FHIT: variants seen among roughly 807,000 people sequenced by gnomAD.
The protein encoded by FHIT is bis(5'-adenosyl)-triphosphatase.
Under a neutral mutation model 17.9 loss-of-function variants are expected in FHIT, and 19 were observed. The ratio of observed to expected loss-of-function variants is 1.06; its 90% CI spans 0.74 to 1.56. The LOEUF (loss-of-function observed/expected upper bound fraction) is 1.56. Ranked by LOEUF, FHIT falls within the 40% of genes most tolerant of loss-of-function variation. The pLI is 0.00. For missense variants in FHIT, 248 were observed against 189.2 expected, an observed-to-expected ratio of 1.31 and a Z score of -1.82; for synonymous variants, 81 against 69.7, an observed-to-expected ratio of 1.16 and a Z score of -0.81.
chr3:60,733,304 C>T (rs1481476215), intron 4 of FHIT, among the ~76,000 whole-genome samples: 7 of 152,122 alleles, frequency 4.6e-5, no homozygotes, highest in African/African-American at 1.7e-4. Context: ...AGTAAGAAAA[C>T]CTGCATTTTA....
intron 3 of FHIT, among the ~76,000 whole-genome samples, chr3:60,918,320 C>A (rs1404810711): frequency 2.6e-5 from 4 of 152,214 alleles, no homozygotes; most frequent in African/African-American, 7.2e-5. Context: ...ATCTACCTGA[C>A]TTTGGTTAAA....
At chr3:60,821,267 A>G (rs2594142) in intron 4 of FHIT, among the ~76,000 whole-genome samples, 79,345 of 151,344 alleles carry the variant, frequency 0.52, 21,607 homozygotes, top group East Asian at 0.85. Flanking sequence ...CTTTGCTGCT[A>G]TTTTTAAAAA....
chr3:60,731,551 T>C (rs1553711228), intron 4 of FHIT, among the ~76,000 whole-genome samples: 1 of 152,172 alleles, frequency 6.6e-6, no homozygotes, highest in Non-Finnish European at 1.5e-5. Flanking sequence ...GTGGCCTGCA[T>C]GCACAGTGTG....
At chr3:60,948,404 G>A (rs372546514) in intron 3 of FHIT, among the ~76,000 whole-genome samples, 36 of 152,178 alleles carry the variant, frequency 2.4e-4, no homozygotes, top group African/African-American at 8.0e-4. Flanking sequence ...GTGACCCAGG[G>A]TTGAACTAAG....
chr3:61,034,330 T>C (rs1385520780), intron 3 of FHIT, among the ~76,000 whole-genome samples: 2 of 152,016 alleles, frequency 1.3e-5, no homozygotes, highest in Non-Finnish European at 2.9e-5. Flanking sequence ...AAAGACAATC[T>C]ACAGAGTGAG....
intron 3 of FHIT, among the ~76,000 whole-genome samples, chr3:61,017,551 C>A (rs768091768): frequency 3.9e-5 from 6 of 152,184 alleles, no homozygotes; most frequent in Non-Finnish European, 7.3e-5. Flanking sequence ...ATCATTCACA[C>A]AATTTGTATT....
intron 5 of FHIT, among the ~76,000 whole-genome samples, chr3:60,223,004 A>G (rs1249876901): frequency 6.6e-6 from 1 of 152,244 alleles, no homozygotes; most frequent in Non-Finnish European, 1.5e-5. Context: ...CCTGAATTAC[A>G]TTACAATTAC....
chr3:59,874,611 G>A (rs1170483207), intron 8 of FHIT, among the ~76,000 whole-genome samples: 1 of 152,092 alleles, frequency 6.6e-6, no homozygotes, highest in Non-Finnish European at 1.5e-5. Context: ...AGGACAGTGG[G>A]CTTGGGAAAG....
At chr3:61,099,914 C>T (rs1384053224) in intron 2 of FHIT, among the ~76,000 whole-genome samples, 2 of 151,948 alleles carry the variant, frequency 1.3e-5, no homozygotes, top group African/African-American at 4.8e-5. Context: ...AACAATTCTA[C>T]AAGTATTAAA....
intron 4 of FHIT, among the ~76,000 whole-genome samples, chr3:60,538,543 C>G (rs1559523009): frequency 6.6e-6 from 1 of 152,112 alleles, no homozygotes. Flanking sequence ...TCAAACTATA[C>G]TACAAGGCTA....
At chr3:61,251,015 T>C (rs2040610618) in intron 1 of FHIT, among the ~76,000 whole-genome samples, 1 of 152,170 alleles carries the variant, frequency 6.6e-6, no homozygotes, top group Admixed American at 6.5e-5. Context: ...CCAAGAGCTG[T>C]GGCGTCCCCG....
chr3:60,615,189 A>G (rs1171190196), intron 4 of FHIT, among the ~76,000 whole-genome samples: 1 of 152,168 alleles, frequency 6.6e-6, no homozygotes, highest in African/African-American at 2.4e-5. Context: ...CCATACAGCA[A>G]TCTACTATCT....
chr3:59,783,468 A>G (rs1022194413), intron 8 of FHIT, among the ~76,000 whole-genome samples: 3 of 152,188 alleles, frequency 2.0e-5, no homozygotes, highest in African/African-American at 7.2e-5. Flanking sequence ...ACTTGATCTC[A>G]CAAAAAACAA....
At chr3:60,179,201 T>C (rs1701814691) in intron 5 of FHIT, among the ~76,000 whole-genome samples, 1 of 152,170 alleles carries the variant, frequency 6.6e-6, no homozygotes, top group Non-Finnish European at 1.5e-5. Flanking sequence ...AACAATTCTC[T>C]AGTAGGTATC....
Position 60,937,567 on chromosome 3 carries a change from C to CTTT in FHIT, c.-111+104477_-111+104479dup, listed in dbSNP as rs5849404. ...TTTTTTTTCTTTTTTCTTTTCTTTT[C>CTTT]TTTTTTTTTTTTTTGAGATGGAGTC... On this transcript the variant is annotated intron_variant, in intron 3 of 9. Transcript: ENST00000492590. Among the ~76,000 whole-genome samples the CTTT allele has an allele frequency of 2.4e-3, 321 of 135,132 alleles. 4 individuals carry two copies. The highest frequency in any genetic ancestry group is 8.5e-3 in the African/African-American group (308 of 36,272). 88.7% of individuals were successfully genotyped at this position (135,132 alleles called of 152,430 possible). A position where few individuals can be genotyped will look rare whatever the true frequency, so the allele number is the denominator to read the frequency against.
At chr3:60,495,617 T>C (rs963737642) in intron 5 of FHIT, among the ~76,000 whole-genome samples, 1 of 152,036 alleles carries the variant, frequency 6.6e-6, no homozygotes, top group African/African-American at 2.4e-5. Context: ...TGTTCATAAC[T>C]GGGGATATCC....
intron 4 of FHIT, among the ~76,000 whole-genome samples, chr3:60,640,397 C>G (rs1378159426): frequency 6.6e-6 from 1 of 152,030 alleles, no homozygotes; most frequent in Non-Finnish European, 1.5e-5. Context: ...AAAATCAATC[C>G]ATGATTATTA....
chr3:60,677,213 C>T (rs2040641636), intron 4 of FHIT, among the ~76,000 whole-genome samples: 1 of 152,114 alleles, frequency 6.6e-6, no homozygotes, highest in Admixed American at 6.6e-5. Context: ...GGTACAAGTG[C>T]AGTTTTGTTA....
rs376566934 is a variant in FHIT, at chr3:60,155,913, A to G, written c.104-141761T>C. Among the ~76,000 whole-genome samples, 4 of 152,304 alleles carry G rather than the reference A, an allele frequency of 2.6e-5. 2 individuals carry two copies. Among genetic ancestry groups the G allele is most frequent in the East Asian group, 3.9e-4 (2 of 5,190 alleles). ...CAGTCCCCAGTGTTACTTATTGCCA[A>G]GAGACATAAAGCGTGCAAAAGCCAC... On this transcript the variant is annotated intron_variant, in intron 5 of 9. Coordinates refer to ENST00000492590, the MANE Select transcript of FHIT (RefSeq NM_002012.4).
Sources: gnomAD v4.1 joint callset for allele counts (sites outside exome capture counted in the v4.1 genomes callset) on GRCh38, gnomAD v4.1.1 for gene constraint, MANE v1.5 for transcripts, NCBI Gene and HGNC (gene_info 2026-07-23, HGNC 2026-07-21) for gene names.